The following SGCD variants were observed in gnomAD, a reference collection of about 807,000 sequenced individuals.
SGCD encodes the protein delta-sarcoglycan.
A neutral mutation model predicts 36.6 loss-of-function variants in SGCD; 18 were observed. The observed-to-expected ratio is 0.49, with a 90% confidence interval of 0.34 to 0.73. The LOEUF (loss-of-function observed/expected upper bound fraction) is 0.73. SGCD is among the 30% of genes least tolerant of loss of function. The probability of loss-of-function intolerance (pLI) is 0.01; values close to 1 mark genes in which losing one functional copy is unlikely to be tolerated. For missense variants in SGCD, 387 were observed against 346.7 expected, an observed-to-expected ratio of 1.12 and a Z score of -0.92; for synonymous variants, 133 against 130.6, an observed-to-expected ratio of 1.02 and a Z score of -0.12.
chr5:155,863,667 T>C, the SGCD span, among the ~76,000 whole-genome samples: 1 of 136,440 alleles, frequency 7.3e-6, no homozygotes, highest in African/African-American at 2.5e-5. Context: ...GCATTTTCCA[T>C]GGGTACTGAA....
intron 7 of SGCD, among the ~76,000 whole-genome samples, chr5:156,695,193 C>T (rs1278298447): frequency 6.6e-6 from 1 of 151,450 alleles, no homozygotes; most frequent in Non-Finnish European, 1.5e-5. Context: ...GGCTAAGCCA[C>T]AGTACCCCAA....
intron 3 of SGCD, among the ~76,000 whole-genome samples, chr5:156,162,571 TC>T (rs1763109728): frequency 4.0e-5 from 6 of 151,564 alleles, no homozygotes; most frequent in Admixed American, 3.9e-4. Context: ...TGTGCAATCA[TC>T]CTCTCATGTC....
rs553887579 is a variant in SGCD at position 156,365,855 on chromosome 5, CGT to C, written c.192+21180_192+21181del. On this transcript the variant is annotated intron_variant, in intron 3 of 8. Coordinates refer to ENST00000337851, the MANE Select transcript of SGCD (RefSeq NM_000337.6). ...TTAAATGTACATGTAAATATATACA[CGT>C]GGGTATGTGTATACATTCATATATG... Among the ~76,000 whole-genome samples the C allele has an allele frequency of 1.1e-3, 167 of 151,900 alleles. 1 individual carries two copies. Among genetic ancestry groups the C allele is most frequent in the African/African-American group, 3.9e-3 (162 of 41,416 alleles).
chr5:156,374,207 C>G (rs138076032), intron 3 of SGCD, among the ~76,000 whole-genome samples: 355 of 151,960 alleles, frequency 2.3e-3, no homozygotes, highest in African/African-American at 8.0e-3. Context: ...ATTTCACTCT[C>G]TAGCCTAAAA....
chr5:155,808,480 T>A, the SGCD span, among the ~76,000 whole-genome samples: 1 of 152,192 alleles, frequency 6.6e-6, no homozygotes, highest in African/African-American at 2.4e-5. Flanking sequence ...TTGTGAAGAA[T>A]CTGTAGTCTT....
At chr5:156,256,638 T>G (rs565125659) in intron 3 of SGCD, among the ~76,000 whole-genome samples, 4 of 152,342 alleles carry the variant, frequency 2.6e-5, no homozygotes, top group Non-Finnish European at 4.4e-5. Context: ...CCTTCACAAG[T>G]ATTTTGATTG....
chr5:156,667,488 T>C (rs909890300), intron 7 of SGCD, among the ~76,000 whole-genome samples: 6 of 152,236 alleles, frequency 3.9e-5, no homozygotes, highest in African/African-American at 1.4e-4. Flanking sequence ...TTTGCATTTA[T>C]AGGATTAATA....
chr5:156,390,188 T>A (rs1771489850), intron 3 of SGCD, among the ~76,000 whole-genome samples: 1 of 148,294 alleles, frequency 6.7e-6, no homozygotes, highest in Non-Finnish European at 1.5e-5. Flanking sequence ...CTTTTTATTA[T>A]TTTAGAGTCT....
chr5:156,121,515 C>A (rs1339374372), intron 2 of SGCD, among the ~76,000 whole-genome samples: 1 of 151,992 alleles, frequency 6.6e-6, no homozygotes, highest in Admixed American at 6.6e-5. Context: ...TTTTAGACTA[C>A]TGAGGATAAG....
chr5:156,386,739 A>C (rs1281837242), intron 3 of SGCD, among the ~76,000 whole-genome samples: 1 of 152,226 alleles, frequency 6.6e-6, no homozygotes, highest in African/African-American at 2.4e-5. Flanking sequence ...GGAGCACTCC[A>C]AGTGTTGGAG....
At chr5:156,446,887 T>C (rs1257122302) in intron 3 of SGCD, among the ~76,000 whole-genome samples, 1 of 152,134 alleles carries the variant, frequency 6.6e-6, no homozygotes, top group Admixed American at 6.6e-5. Flanking sequence ...ACTCCTTTAT[T>C]TTATAGTTGA....
chr5:156,583,745 C>A (rs1360997495), intron 4 of SGCD, among the ~76,000 whole-genome samples: 1 of 152,062 alleles, frequency 6.6e-6, no homozygotes, highest in Admixed American at 6.5e-5. Flanking sequence ...GACATTGGTA[C>A]AAGAATAGAT....
At chr5:156,669,046 C>T (rs543889875) in intron 7 of SGCD, among the ~76,000 whole-genome samples, 242 of 152,216 alleles carry the variant, frequency 1.6e-3, no homozygotes, top group South Asian at 5.2e-3. Context: ...TCAAATGGCC[C>T]ACATGGGGTC....
chr5:156,284,771 G>A (rs1439611297), intron 3 of SGCD, among the ~76,000 whole-genome samples: 1 of 152,166 alleles, frequency 6.6e-6, no homozygotes, highest in African/African-American at 2.4e-5. Context: ...ACAAGACAGG[G>A]ATGCCCTCTC....
chr5:156,211,147 T>C (rs1764429383), intron 3 of SGCD, among the ~76,000 whole-genome samples: 1 of 151,930 alleles, frequency 6.6e-6, no homozygotes, highest in South Asian at 2.1e-4. Context: ...CGTTGGATGA[T>C]ATATTCAAAG....
chr5:155,766,885 G>A, the SGCD span, among the ~76,000 whole-genome samples: 3 of 152,058 alleles, frequency 2.0e-5, no homozygotes, highest in Admixed American at 6.6e-5. Flanking sequence ...CTCCAGAGTC[G>A]ATGCTCTTAG....
chr5:156,063,249 T>C (rs1760276944), intron 1 of SGCD, among the ~76,000 whole-genome samples: 1 of 15,428 alleles, frequency 6.5e-5, no homozygotes, highest in African/African-American at 3.8e-4. Flanking sequence ...GTTGTAGATA[T>C]GTGGCATTAT....
rs149840511 is a variant in SGCD, at chr5:156,512,925, G to A, written c.294+4223G>A. Among the ~76,000 whole-genome samples, 429 of 151,666 alleles carry A rather than the reference G, an allele frequency of 2.8e-3. 1 individual carries two copies. Among genetic ancestry groups the A allele is most frequent in the African/African-American group, 0.01 (420 of 41,340 alleles). ...TATTTAATGTCTAACTTAAGAGTAC[G>A]ATTTTTTTTTTTTCCTGCAATGGGG... is the stretch of plus-strand genomic sequence containing the variant. On this transcript the variant is annotated intron_variant, in intron 4 of 8. Coordinates refer to ENST00000337851, the MANE Select transcript of SGCD (RefSeq NM_000337.6).
intron 6 of SGCD, among the ~76,000 whole-genome samples, chr5:156,641,988 A>G (rs920077924): frequency 9.2e-5 from 14 of 152,110 alleles, no homozygotes; most frequent in Admixed American, 7.9e-4. Context: ...AAAAACAGAA[A>G]TTTATTTTTT....
Sources: allele counts gnomAD v4.1 joint callset (sites outside exome capture counted in the v4.1 genomes callset), GRCh38; gene constraint gnomAD v4.1.1; transcripts MANE v1.5; gene names NCBI Gene and HGNC (gene_info 2026-07-23, HGNC 2026-07-21).